TRPM3: variants seen among roughly 807,000 people sequenced by gnomAD.
TRPM3 encodes the protein long transient receptor potential channel 3.
A neutral mutation model predicts 181.2 loss-of-function variants in TRPM3; 77 were observed. That is an observed-to-expected ratio of 0.42 (90% confidence interval 0.35 to 0.51). The LOEUF is 0.51. Among genes scored for constraint, TRPM3 ranks in the 20% least tolerant of loss-of-function variants. The probability of loss-of-function intolerance (pLI) is 0.01; values close to 1 mark genes in which losing one functional copy is unlikely to be tolerated. For synonymous variants in TRPM3, 745 were observed against 796.4 expected (o/e 0.94, Z 1.09); for missense variants, 1,759 against 2,196.7 (o/e 0.80, Z 3.98).
intron 1 of TRPM3, among the ~76,000 whole-genome samples, chr9:71,195,008 A>G (rs2078259106): frequency 6.6e-6 from 1 of 151,980 alleles, no homozygotes; most frequent in African/African-American, 2.4e-5. Flanking sequence ...TTCATTAAGT[A>G]TAAAGAAGCA....
chr9:70,942,103 AAGAACTTGCAGG>A (rs2096891335), intron 1 of TRPM3, among the ~76,000 whole-genome samples: 1 of 152,194 alleles, frequency 6.6e-6, no homozygotes, highest in Non-Finnish European at 1.5e-5. Flanking sequence ...TTGGGTTAGC[AAGAACTTGCAGG>A]AACAATTGGC....
At chr9:71,040,784 C>T (rs569214203) in intron 1 of TRPM3, among the ~76,000 whole-genome samples, 105 of 152,222 alleles carry the variant, frequency 6.9e-4, no homozygotes, top group African/African-American at 2.5e-3. Flanking sequence ...CACTGGGACA[C>T]ACACCATGGC....
chr9:71,226,009 TAAAAAAAAAAAAA>T, intron 1 of TRPM3, among the ~76,000 whole-genome samples: 112 of 34,714 alleles, frequency 3.2e-3, no homozygotes, highest in South Asian at 0.017. Context: ...CAACAAAAGG[TAAAAAAAAAAAAA>T]AAAAAAAAAA....
At chr9:70,787,032 C>T (rs1009634836) in intron 6 of TRPM3, among the ~76,000 whole-genome samples, 2 of 152,162 alleles carry the variant, frequency 1.3e-5, no homozygotes, top group Admixed American at 1.3e-4. Context: ...GAAACCTCCT[C>T]TCCCTTTGAG....
intron 1 of TRPM3, chr9:70,917,437 C>T: frequency 1.2e-6 from 1 of 800,036 alleles, no homozygotes; most frequent in South Asian, 1.4e-5. Context: ...TGAACTCGGC[C>T]AGACTGGAGT....
intron 18 of TRPM3, among the ~76,000 whole-genome samples, chr9:70,613,547 A>G (rs2062294213): frequency 6.6e-6 from 1 of 152,216 alleles, no homozygotes; most frequent in Non-Finnish European, 1.5e-5. Flanking sequence ...AGTTCTGTCC[A>G]CTGACCAGTG....
At chr9:71,097,391 G>T (rs2067499488) in intron 1 of TRPM3, among the ~76,000 whole-genome samples, 1 of 151,738 alleles carries the variant, frequency 6.6e-6, no homozygotes, top group Non-Finnish European at 1.5e-5. Flanking sequence ...TATATTAAGG[G>T]TATGTTTAAT....
chr9:71,208,668 A>C (rs2079279214), intron 1 of TRPM3, among the ~76,000 whole-genome samples: 1 of 152,238 alleles, frequency 6.6e-6, no homozygotes, highest in African/African-American at 2.4e-5. Context: ...ACAGAAAAGA[A>C]TATGAAAGTT....
At chr9:70,696,445 A>G (rs2070478807) in intron 8 of TRPM3, among the ~76,000 whole-genome samples, 1 of 152,220 alleles carries the variant, frequency 6.6e-6, no homozygotes, top group Admixed American at 6.5e-5. Flanking sequence ...CTCAGATCTT[A>G]AAGAGTTAGG....
intron 22 of TRPM3, among the ~76,000 whole-genome samples, chr9:70,588,393 A>C (rs1447493589): frequency 6.6e-6 from 1 of 152,026 alleles, no homozygotes; most frequent in Non-Finnish European, 1.5e-5. Flanking sequence ...CCTATTGTAC[A>C]TCCATATACG....
At chr9:70,889,776 G>A (rs2096163841) in intron 1 of TRPM3, among the ~76,000 whole-genome samples, 1 of 151,732 alleles carries the variant, frequency 6.6e-6, no homozygotes, top group African/African-American at 2.4e-5. Flanking sequence ...GGGTCATCAG[G>A]AATTAAGGAA....
intron 6 of TRPM3, among the ~76,000 whole-genome samples, chr9:70,794,744 A>AT (rs2086567667): frequency 1.3e-5 from 2 of 151,946 alleles, no homozygotes. Flanking sequence ...TGCTCTATCT[A>AT]TTTTATCTCC....
At chr9:71,259,854 T>G (rs1414481745) in intron 1 of TRPM3, among the ~76,000 whole-genome samples, 3 of 152,192 alleles carry the variant, frequency 2.0e-5, no homozygotes, top group African/African-American at 7.2e-5. Flanking sequence ...ACTCTGATGA[T>G]AGTCTCTTCT....
chr9:70,609,340 G>A (rs961709654), intron 19 of TRPM3, among the ~76,000 whole-genome samples: 2 of 152,192 alleles, frequency 1.3e-5, no homozygotes, highest in African/African-American at 4.8e-5. Flanking sequence ...GCATGCCTCA[G>A]TTATTTTTGG....
chr9:70,953,502 A>T (rs1408284285), intron 1 of TRPM3, among the ~76,000 whole-genome samples: 1 of 152,084 alleles, frequency 6.6e-6, no homozygotes, highest in Non-Finnish European at 1.5e-5. Flanking sequence ...CTGAGCACAC[A>T]CTCTTTTTGG....
At chr9:70,832,898 T>C (rs2094037491) in intron 5 of TRPM3, among the ~76,000 whole-genome samples, 1 of 152,256 alleles carries the variant, frequency 6.6e-6, no homozygotes, top group Non-Finnish European at 1.5e-5. Context: ...TGTTTACTTA[T>C]TAAGAATTTC....
chr9:71,370,399 A>G (rs1241783263), intron 1 of TRPM3, among the ~76,000 whole-genome samples: 1 of 152,222 alleles, frequency 6.6e-6, no homozygotes, highest in African/African-American at 2.4e-5. Flanking sequence ...TAAAAGTACT[A>G]CTACAGTGAA....
At chr9:70,551,425 A>T (rs1053642848) in intron 24 of TRPM3, among the ~76,000 whole-genome samples, 1 of 152,130 alleles carries the variant, frequency 6.6e-6, no homozygotes, top group African/African-American at 2.4e-5. Flanking sequence ...CGTTGCTACC[A>T]TTGGTGATAA....
intron 1 of TRPM3, among the ~76,000 whole-genome samples, chr9:71,163,466 T>C (rs1166777201): frequency 6.6e-6 from 1 of 152,158 alleles, no homozygotes; most frequent in Non-Finnish European, 1.5e-5. Context: ...TACTGAGTGG[T>C]TAACAGTGGT....
Sources: gnomAD v4.1 joint callset for allele counts (sites outside exome capture counted in the v4.1 genomes callset) on GRCh38, gnomAD v4.1.1 for gene constraint, MANE v1.5 for transcripts, NCBI Gene and HGNC (gene_info 2026-07-23, HGNC 2026-07-21) for gene names.